HMGN5: variants seen among roughly 807,000 people sequenced by gnomAD.
HMGN5 encodes high mobility group nucleosome-binding domain-containing protein 5.
A neutral mutation model predicts 9.5 loss-of-function variants in HMGN5; 4 were observed. The ratio of observed to expected loss-of-function variants is 0.42; its 90% CI spans 0.21 to 0.96. The LOEUF is 0.96. HMGN5 is among the 40% of genes least tolerant of loss of function. The pLI, the probability that HMGN5 is intolerant of heterozygous loss-of-function variation, is 0.30. For synonymous variants in HMGN5, 55 were observed against 57.1 expected (o/e 0.96, Z 0.16); for missense variants, 192 against 187.5 (o/e 1.02, Z -0.14).
At chrX:81,199,383 A>G (rs1954209379) in intron 1 of HMGN5, among the ~76,000 whole-genome samples, 1 of 112,557 alleles carries the variant, frequency 8.9e-6, no homozygotes, top group Non-Finnish European at 1.9e-5. Context: ...AACTACTTTA[A>G]AGTTCATATG....
Position 81,114,555 on chromosome X carries a change from G to A in HMGN5, c.*94C>T. 1 of 809,599 alleles carries A rather than the reference G, an allele frequency of 1.2e-6. No homozygotes were observed. Among genetic ancestry groups the A allele is most frequent in the Non-Finnish European group, 1.6e-6 (1 of 613,935 alleles). 66.7% of individuals were successfully genotyped at this position (809,599 alleles called of 1,213,427 possible). ...ATTAAATCAATGCTAAAGAAAGGCT[G>A]TGTTTATAAAATTTTTGATAAAAAT... On this transcript the variant is annotated 3_prime_UTR_variant, in exon 7 of 7. Coordinates refer to ENST00000358130, the MANE Select transcript of HMGN5 (RefSeq NM_030763.3).
chrX:81,135,629 G>T (rs1301238144), intron 1 of HMGN5, among the ~76,000 whole-genome samples: 1 of 110,788 alleles, frequency 9.0e-6, no homozygotes, highest in African/African-American at 3.3e-5. Flanking sequence ...TCCAGATCAG[G>T]CAAATCAATA....
At chrX:81,195,552 G>A (rs745767021) in intron 1 of HMGN5, among the ~76,000 whole-genome samples, 1 of 111,265 alleles carries the variant, frequency 9.0e-6, no homozygotes, top group African/African-American at 3.3e-5. Context: ...CATCACAGAG[G>A]GTTAGAGTGA....
At chrX:81,117,259 C>CAT (rs759107065) in intron 5 of HMGN5, among the ~76,000 whole-genome samples, 2 of 78,401 alleles carry the variant, frequency 2.6e-5, no homozygotes, top group African/African-American at 9.5e-5. Context: ...CTTTTTTTTC[C>CAT]GTTTTTTTTT....
intron 1 of HMGN5, among the ~76,000 whole-genome samples, chrX:81,140,629 C>T (rs2147553582): frequency 9.2e-6 from 1 of 109,066 alleles, no homozygotes; most frequent in South Asian, 4.0e-4. Flanking sequence ...AACTGAAAAG[C>T]CCTTTGTCCC....
chrX:81,136,701 A>G (rs1275448460), intron 1 of HMGN5, among the ~76,000 whole-genome samples: 1 of 111,792 alleles, frequency 8.9e-6, no homozygotes, highest in Non-Finnish European at 1.9e-5. Flanking sequence ...AAGTTCTAAC[A>G]TATCAATAAT....
At chrX:81,150,924 G>A (rs2075359979) in intron 1 of HMGN5, among the ~76,000 whole-genome samples, 1 of 111,661 alleles carries the variant, frequency 9.0e-6, no homozygotes, top group African/African-American at 3.3e-5. Context: ...GAACAAGGAA[G>A]AAATCCAAAC....
At chrX:81,123,162 C>A (rs777361708) in intron 1 of HMGN5, among the ~76,000 whole-genome samples, 3 of 110,301 alleles carry the variant, frequency 2.7e-5, no homozygotes, top group Admixed American at 1.9e-4. Context: ...AACAGAATAA[C>A]CCATTGTAAT....
chrX:81,177,396 A>C (rs1387683984), intron 1 of HMGN5, among the ~76,000 whole-genome samples: 1 of 100,216 alleles, frequency 1.0e-5, no homozygotes, highest in Admixed American at 1.1e-4. Context: ...AAAAAAAAAA[A>C]AAGAAGTGGT....
chrX:81,158,449 G>T (rs1201885348), intron 1 of HMGN5, among the ~76,000 whole-genome samples: 1 of 112,215 alleles, frequency 8.9e-6, no homozygotes, highest in Admixed American at 9.4e-5. Context: ...TCATATGTTT[G>T]TTGGCCACAT....
intron 1 of HMGN5, among the ~76,000 whole-genome samples, chrX:81,177,723 A>T (rs2075447502): frequency 9.0e-6 from 1 of 111,449 alleles, no homozygotes; most frequent in Non-Finnish European, 1.9e-5. Context: ...CCTAATAGAC[A>T]TCTACAGAAC....
intron 1 of HMGN5, among the ~76,000 whole-genome samples, chrX:81,189,732 T>G (rs1410274463): frequency 4.5e-5 from 5 of 112,121 alleles, no homozygotes; most frequent in Non-Finnish European, 9.4e-5. Flanking sequence ...TTTAACTCCT[T>G]TGGAGAAACA....
intron 1 of HMGN5, among the ~76,000 whole-genome samples, chrX:81,142,449 A>C (rs2075332320): frequency 8.9e-6 from 1 of 112,183 alleles, no homozygotes; most frequent in South Asian, 3.7e-4. Flanking sequence ...GGATGAAGAA[A>C]GAATCCTAAA....
intron 3 of HMGN5, 37 bp from the exon 4 acceptor site, chrX:81,118,796 T>C: frequency 4.9e-6 from 5 of 1,011,651 alleles, no homozygotes; most frequent in Non-Finnish European, 6.9e-6. Flanking sequence ...AAGAGAATTA[T>C]GGATACAAAA....
At chrX:81,192,309 T>C (rs1389240813) in intron 1 of HMGN5, among the ~76,000 whole-genome samples, 2 of 112,000 alleles carry the variant, frequency 1.8e-5, no homozygotes, top group East Asian at 2.8e-4. Context: ...CTTGAAATGA[T>C]TGAGAAATAT....
chrX:81,150,903 C>T (rs2075359906), intron 1 of HMGN5, among the ~76,000 whole-genome samples: 1 of 111,475 alleles, frequency 9.0e-6, no homozygotes, highest in Non-Finnish European at 1.9e-5. Context: ...CAAATACAAC[C>T]TACAAAAATT....
chrX:81,140,321 G>A (rs1176740469), intron 1 of HMGN5, among the ~76,000 whole-genome samples: 1 of 110,937 alleles, frequency 9.0e-6, no homozygotes, highest in Non-Finnish European at 1.9e-5. Flanking sequence ...AGCATTTTGG[G>A]AGGCCGAGGC....
At chrX:81,118,805 A>C in intron 3 of HMGN5, 46 bp from the exon 4 acceptor site, 1 of 931,407 alleles carries the variant, frequency 1.1e-6, no homozygotes, top group Non-Finnish European at 1.5e-6. Flanking sequence ...ATGGATACAA[A>C]AAGCTAGAAT....
rs769584832 is a variant in HMGN5, at chrX:81,121,596, A to G, written c.-47T>C. ...ATCTTAGTCAGCAGAAAAAAAGCCG[A>G]AGGCAGTCACTGCCTGACTGCTCCA... is the stretch of plus-strand genomic sequence containing the variant. On this transcript the variant is annotated 5_prime_UTR_variant, in exon 2 of 7. Transcript: ENST00000358130. 3.8e-5 allele frequency: 41 copies of G among 1,079,078 alleles called. No homozygotes were observed. The highest frequency in any genetic ancestry group is 5.0e-5 in the Non-Finnish European group (40 of 800,527). The allele number at this position is 1,079,078 out of a possible 1,213,427, so 88.9% of individuals were successfully genotyped here.
Sources: allele counts gnomAD v4.1 joint callset (sites outside exome capture counted in the v4.1 genomes callset), GRCh38; gene constraint gnomAD v4.1.1; transcripts MANE v1.5; gene names NCBI Gene and HGNC (gene_info 2026-07-23, HGNC 2026-07-21).